The following CCDC85A variants were observed in gnomAD, a reference collection of about 807,000 sequenced individuals.
The protein encoded by CCDC85A is coiled-coil domain containing 85A.
In CCDC85A, 38 loss-of-function variants were observed where a neutral mutation model predicts 50.2. The ratio of observed to expected loss-of-function variants is 0.76; its 90% CI spans 0.58 to 0.99. CCDC85A has a LOEUF of 0.99. Among genes scored for constraint, CCDC85A ranks in the 50% least tolerant of loss-of-function variants. The probability of loss-of-function intolerance (pLI) is 0.00; values close to 1 mark genes in which losing one functional copy is unlikely to be tolerated. For synonymous variants in CCDC85A, 366 were observed against 301.4 expected, an observed-to-expected ratio of 1.21 and a Z score of -2.22; for missense variants, 820 against 742.0, an observed-to-expected ratio of 1.11 and a Z score of -1.22.
intron 2 of CCDC85A, among the ~76,000 whole-genome samples, chr2:56,269,950 C>A (rs1370064703): frequency 6.6e-6 from 1 of 152,192 alleles, no homozygotes; most frequent in Non-Finnish European, 1.5e-5. Context: ...GGTTGTTCTG[C>A]TATTACCAGT....
At chr2:56,282,209 A>G (rs536200011) in intron 2 of CCDC85A, among the ~76,000 whole-genome samples, 4 of 152,220 alleles carry the variant, frequency 2.6e-5, no homozygotes, top group Non-Finnish European at 5.9e-5. Context: ...CACCCTTGTC[A>G]AAGATCAATT....
intron 2 of CCDC85A, among the ~76,000 whole-genome samples, chr2:56,304,571 A>G (rs1404254731): frequency 6.6e-6 from 1 of 152,208 alleles, no homozygotes; most frequent in Non-Finnish European, 1.5e-5. Flanking sequence ...GACCACCCAC[A>G]GTAACATTGT....
chr2:56,334,096 G>A (rs571558112), intron 2 of CCDC85A, among the ~76,000 whole-genome samples: 5 of 152,212 alleles, frequency 3.3e-5, no homozygotes, highest in Non-Finnish European at 7.3e-5. Flanking sequence ...GCTTCCTGAA[G>A]TAGCTGTCTT....
At chr2:56,358,139 G>A (rs11900727) in intron 3 of CCDC85A, among the ~76,000 whole-genome samples, 136,360 of 152,238 alleles carry the variant, frequency 0.9, 61,235 homozygotes, top group East Asian at 0.96. Flanking sequence ...CTGTGAAAAT[G>A]ACACTATCAC....
At chr2:56,184,930 C>T (rs1211296483) in intron 1 of CCDC85A, 30 bp downstream of exon 1, 2 of 1,452,692 alleles carry the variant, frequency 1.4e-6, no homozygotes, top group African/African-American at 1.5e-5. Context: ...GGAGGCGCGG[C>T]GCGGCTGGGA....
At chr2:56,189,141 G>A (rs1003488637) in intron 1 of CCDC85A, among the ~76,000 whole-genome samples, 2 of 152,116 alleles carry the variant, frequency 1.3e-5, no homozygotes, top group African/African-American at 2.4e-5. Context: ...ATGCACAGAC[G>A]TAATCATAGC....
At chr2:56,312,843 CTATT>C (rs1299466918) in intron 2 of CCDC85A, among the ~76,000 whole-genome samples, 1 of 151,530 alleles carries the variant, frequency 6.6e-6, no homozygotes, top group Non-Finnish European at 1.5e-5. Context: ...GCAAATCTGA[CTATT>C]TATAAGTCTT....
chr2:56,360,470 C>T (rs755344385), intron 3 of CCDC85A, among the ~76,000 whole-genome samples: 5 of 152,160 alleles, frequency 3.3e-5, no homozygotes, highest in African/African-American at 4.8e-5. Context: ...TAACCAGCCT[C>T]GGGGAACTTA....
chr2:56,296,186 T>C (rs1393986465), intron 2 of CCDC85A, among the ~76,000 whole-genome samples: 1 of 152,166 alleles, frequency 6.6e-6, no homozygotes, highest in Non-Finnish European at 1.5e-5. Flanking sequence ...TTCCCACTTA[T>C]AGAAGCTTCT....
chr2:56,274,705 T>C (rs929803867), intron 2 of CCDC85A, among the ~76,000 whole-genome samples: 2 of 152,208 alleles, frequency 1.3e-5, no homozygotes, highest in African/African-American at 4.8e-5. Context: ...CACATGAAGT[T>C]AGCCATCATA....
intron 2 of CCDC85A, among the ~76,000 whole-genome samples, chr2:56,255,090 C>CT (rs1558608307): frequency 6.6e-6 from 1 of 152,166 alleles, no homozygotes; most frequent in Admixed American, 6.5e-5. Context: ...AAAACATGGA[C>CT]TTATCACACC....
chr2:56,183,981 C>T, upstream of CCDC85A: 2 of 985,736 alleles, frequency 2.0e-6, no homozygotes, highest in African/African-American at 1.7e-5. Flanking sequence ...GGTCCCCCAC[C>T]CTCCACCCCT....
At chr2:56,218,650 A>G (rs1668191647) in intron 2 of CCDC85A, among the ~76,000 whole-genome samples, 2 of 151,776 alleles carry the variant, frequency 1.3e-5, no homozygotes, top group Admixed American at 1.3e-4. Context: ...TTGTCCCCCA[A>G]ATATCCTTTA....
intron 2 of CCDC85A, among the ~76,000 whole-genome samples, chr2:56,342,107 A>T (rs2104321195): frequency 6.6e-6 from 1 of 152,166 alleles, no homozygotes; most frequent in East Asian, 1.9e-4. Context: ...AGAAGAAAAG[A>T]GTATAATTGT....
intron 2 of CCDC85A, among the ~76,000 whole-genome samples, chr2:56,334,382 C>T (rs536343274): frequency 1.6e-4 from 24 of 152,296 alleles, no homozygotes; most frequent in African/African-American, 5.8e-4. Flanking sequence ...GGGAACACAA[C>T]TAGTCAGTGT....
chr2:56,375,940 C>A lies in CCDC85A; in HGVS notation c.1572+5C>A, dbSNP rs1676314578. 2 of 1,611,298 alleles carry A rather than the reference C, an allele frequency of 1.2e-6. No individual in the cohort carries two copies. Among genetic ancestry groups the A allele is most frequent in the Non-Finnish European group, 1.7e-6 (2 of 1,178,382 alleles). On this transcript the variant is annotated splice_donor_5th_base_variant and intron_variant, in intron 5 of 5. Coordinates refer to ENST00000407595, the MANE Select transcript of CCDC85A (RefSeq NM_001080433.2). Reference sequence around the variant, plus strand: ...CCTGTGGTACATTCTCTTAAGGTAACCAATCGTGTGCAACCATTTATCCAG... The same window carrying A: ...CCTGTGGTACATTCTCTTAAGGTAAACAATCGTGTGCAACCATTTATCCAG...
At chr2:56,229,619 C>T (rs1443230191) in intron 2 of CCDC85A, among the ~76,000 whole-genome samples, 1 of 152,014 alleles carries the variant, frequency 6.6e-6, no homozygotes, top group Non-Finnish European at 1.5e-5. Context: ...GTATCGTGGA[C>T]CTCTGGTTTC....
chr2:56,195,254 T>A (rs962627769), intron 2 of CCDC85A, among the ~76,000 whole-genome samples: 1 of 152,252 alleles, frequency 6.6e-6, no homozygotes, highest in African/African-American at 2.4e-5. Context: ...TTTTAAACAA[T>A]GCCTTGCATT....
intron 2 of CCDC85A, among the ~76,000 whole-genome samples, chr2:56,329,906 G>C (rs1257011037): frequency 8.3e-6 from 1 of 120,876 alleles, no homozygotes; most frequent in Non-Finnish European, 1.7e-5. Context: ...CATATTTATA[G>C]GTTTACTTTC....
Sources: allele counts gnomAD v4.1 joint callset (sites outside exome capture counted in the v4.1 genomes callset), GRCh38; gene constraint gnomAD v4.1.1; transcripts MANE v1.5; gene names NCBI Gene and HGNC (gene_info 2026-07-23, HGNC 2026-07-21).